Variants in UVRAG observed in about 807,000 individuals in gnomAD.
UVRAG encodes the protein UV radiation resistance associated, also known as UV radiation resistance-associated gene protein.
UVRAG carries 19 observed loss-of-function variants against 78.0 expected under a neutral mutation model. The observed-to-expected ratio is 0.24, with a 90% CI of 0.17 to 0.36. The LOEUF is 0.36. UVRAG is among the 10% of genes least tolerant of loss of function. The pLI, the probability that UVRAG is intolerant of heterozygous loss-of-function variation, is 1.00. For synonymous variants in UVRAG, 323 were observed against 324.6 expected, an observed-to-expected ratio of 1.00 and a Z score of 0.05; for missense variants, 740 against 853.8, an observed-to-expected ratio of 0.87 and a Z score of 1.66.
At chr11:75,872,492 G>A (rs1003185987) in intron 3 of UVRAG, among the ~76,000 whole-genome samples, 2 of 150,908 alleles carry the variant, frequency 1.3e-5, no homozygotes, top group Non-Finnish European at 2.9e-5. Context: ...AGGTTCAAGC[G>A]ATTCTCCTGC....
chr11:75,979,842 G>A (rs1299464993), intron 7 of UVRAG: 1 of 152,250 alleles, frequency 6.6e-6, no homozygotes, highest in African/African-American at 2.4e-5. Context: ...TGCTTCCCTG[G>A]TGAGGCGATG....
chr11:75,893,855 C>T (rs1947279667), intron 5 of UVRAG, among the ~76,000 whole-genome samples: 2 of 150,780 alleles, frequency 1.3e-5, no homozygotes, highest in South Asian at 4.2e-4. Flanking sequence ...GGTGAGAGAG[C>T]ATTTTATTGA....
chr11:75,887,119 A>T (rs1947096211), intron 4 of UVRAG, among the ~76,000 whole-genome samples: 1 of 149,146 alleles, frequency 6.7e-6, no homozygotes, highest in South Asian at 2.1e-4. Context: ...ACAGATGTGC[A>T]CTGCCACGCC....
At chr11:75,902,980 A>G (rs995997589) in intron 5 of UVRAG, among the ~76,000 whole-genome samples, 2 of 151,968 alleles carry the variant, frequency 1.3e-5, no homozygotes, top group Admixed American at 6.6e-5. Flanking sequence ...GATGTGTCCA[A>G]CTCTCTGGTC....
intron 10 of UVRAG, among the ~76,000 whole-genome samples, chr11:76,008,455 T>G (rs1193931535): frequency 1.3e-5 from 2 of 152,192 alleles, no homozygotes; most frequent in Admixed American, 1.3e-4. Context: ...AAAATTTGTT[T>G]AAAAGACTAA....
intron 12 of UVRAG, among the ~76,000 whole-genome samples, chr11:76,057,092 G>A (rs1950998996): frequency 6.6e-6 from 1 of 152,234 alleles, no homozygotes; most frequent in South Asian, 2.1e-4. Flanking sequence ...ATGACATGAG[G>A]TAGCAGTGGC....
chr11:75,842,163 C>T (rs371127158), intron 1 of UVRAG, among the ~76,000 whole-genome samples: 1 of 152,120 alleles, frequency 6.6e-6, no homozygotes, highest in African/African-American at 2.4e-5. Context: ...ATGATTTAGC[C>T]TCAGAAGTCA....
At chr11:75,930,928 T>TTTCTTTCC (rs1345239475) in intron 6 of UVRAG, 24 of 12,360 alleles carry the variant, frequency 1.9e-3, no homozygotes, top group African/African-American at 7.6e-3. Context: ...GTGTCGGGAT[T>TTTCTTTCC]TTCTTTCTTT....
chr11:76,135,964 A>G lies in UVRAG; in HGVS notation c.1398-4747A>G, dbSNP rs561362979. ...TTCATCACAATATAAATAATGTACTAATTGCATATGATGAGTAAATTGTCA... is the reference window on the plus strand; with the variant it reads ...TTCATCACAATATAAATAATGTACTGATTGCATATGATGAGTAAATTGTCA... On this transcript the variant is annotated intron_variant, in intron 14 of 14. Coordinates refer to ENST00000356136, the MANE Select transcript of UVRAG (RefSeq NM_003369.4). 2.0e-5 allele frequency among the ~76,000 whole-genome samples: 3 copies of G among 152,330 alleles called. No individual in the cohort carries two copies. The East Asian group carries it at 5.8e-4, about 29-fold the overall frequency.
chr11:75,928,798 C>T (rs146451525), intron 6 of UVRAG, among the ~76,000 whole-genome samples: 2,229 of 151,494 alleles, frequency 0.015, 31 homozygotes, highest in Non-Finnish European at 0.019. Context: ...AAAAATTTGC[C>T]GGGCATGGTG....
At chr11:76,079,450 A>C (rs1212170535) in intron 13 of UVRAG, among the ~76,000 whole-genome samples, 1 of 151,920 alleles carries the variant, frequency 6.6e-6, no homozygotes, top group Admixed American at 6.6e-5. Flanking sequence ...GTGCCACTGC[A>C]CTCCAGCCAG....
chr11:75,979,132 G>A (rs1379292947), intron 7 of UVRAG, among the ~76,000 whole-genome samples: 1 of 152,202 alleles, frequency 6.6e-6, no homozygotes, highest in Non-Finnish European at 1.5e-5. Flanking sequence ...GGAGTTTGCT[G>A]GAGGTCCACT....
intron 1 of UVRAG, among the ~76,000 whole-genome samples, chr11:75,834,729 G>A (rs1945741566): frequency 6.6e-6 from 1 of 152,126 alleles, no homozygotes; most frequent in Admixed American, 6.5e-5. Flanking sequence ...CAGGAGAATT[G>A]CTTGAACCTG....
chr11:75,992,871 C>G (rs1591105653), intron 8 of UVRAG, among the ~76,000 whole-genome samples: 1 of 152,290 alleles, frequency 6.6e-6, no homozygotes, highest in East Asian at 1.9e-4. Flanking sequence ...AGGTATTTTT[C>G]TCTTGCATTT....
intron 7 of UVRAG, among the ~76,000 whole-genome samples, chr11:75,962,708 A>T (rs191121821): frequency 5.9e-5 from 9 of 152,264 alleles, no homozygotes; most frequent in Non-Finnish European, 8.8e-5. Context: ...AAGGGGGAGG[A>T]AAAATCACTA....
intron 13 of UVRAG, among the ~76,000 whole-genome samples, chr11:76,107,734 G>C (rs558477090): frequency 1.3e-5 from 2 of 150,480 alleles, no homozygotes; most frequent in African/African-American, 4.9e-5. Flanking sequence ...GCTTTTCCAC[G>C]TCTTGAAAGA....
intron 8 of UVRAG, among the ~76,000 whole-genome samples, chr11:75,991,261 A>C (rs1359967347): frequency 6.6e-6 from 1 of 152,214 alleles, no homozygotes; most frequent in Non-Finnish European, 1.5e-5. Flanking sequence ...CACATTTCTT[A>C]CAGTGCTTTG....
chr11:75,860,940 C>G (rs941019603), intron 2 of UVRAG, among the ~76,000 whole-genome samples: 1 of 152,048 alleles, frequency 6.6e-6, no homozygotes, highest in South Asian at 2.1e-4. Context: ...CATGTGCCAC[C>G]ACACCTAATT....
chr11:76,078,777 A>G (rs1231389422), intron 13 of UVRAG, among the ~76,000 whole-genome samples: 1 of 146,120 alleles, frequency 6.8e-6, no homozygotes, highest in Non-Finnish European at 1.5e-5. Context: ...AAAAAAAAAA[A>G]AATTAGCTGG....
Sources: allele counts gnomAD v4.1 joint callset (sites outside exome capture counted in the v4.1 genomes callset), GRCh38; gene constraint gnomAD v4.1.1; transcripts MANE v1.5; gene names NCBI Gene and HGNC (gene_info 2026-07-23, HGNC 2026-07-21).